TIMM9: variants seen among roughly 807,000 people sequenced by gnomAD.
TIMM9 encodes mitochondrial import inner membrane translocase subunit Tim9.
In TIMM9, 10 loss-of-function variants were observed where a neutral mutation model predicts 13.4. The observed-to-expected ratio is 0.75, with a 90% CI of 0.46 to 1.26. TIMM9 has a LOEUF of 1.26. TIMM9 is among the 50% of genes most tolerant of loss of function. The probability of loss-of-function intolerance (pLI) is 0.00; values close to 1 mark genes in which losing one functional copy is unlikely to be tolerated. For missense variants in TIMM9, 87 were observed against 100.8 expected (o/e 0.86, Z 0.58); for synonymous variants, 32 against 32.1 (o/e 1.00, Z 0.01).
At chr14:58,423,377 G>A (rs2036643923) in intron 3 of TIMM9, among the ~76,000 whole-genome samples, 1 of 151,594 alleles carries the variant, frequency 6.6e-6, no homozygotes, top group South Asian at 2.1e-4. Flanking sequence ...AATTAGCCGG[G>A]CATGGTGGCA....
rs1165759043 is a variant in TIMM9 at position 58,424,096 on chromosome 14, C to T, written c.-114-1G>A. The T allele has an allele frequency of 1.3e-5, 2 of 152,154 alleles. No individual in the cohort carries two copies. The highest frequency in any genetic ancestry group is 2.4e-5 in the African/African-American group (1 of 41,438). 9.4% of individuals were successfully genotyped at this position (152,154 alleles called of 1,614,324 possible). ...GTCTCCAATAAGGCCTGATTCTTAC[C>T]TGAAAAATGAGGTAATATGATTACT... is the stretch of plus-strand genomic sequence containing the variant. On this transcript the variant is annotated splice_acceptor_variant, in intron 2 of 5. Coordinates refer to ENST00000395159, the MANE Select transcript of TIMM9 (RefSeq NM_012460.4). LOFTEE classifies it low-confidence loss of function (5UTR_SPLICE).
chr14:58,414,139 ATTTAG>A (rs1036823789), intron 3 of TIMM9, among the ~76,000 whole-genome samples: 3 of 150,642 alleles, frequency 2.0e-5, no homozygotes, highest in African/African-American at 7.3e-5. Context: ...TATACATTTT[ATTTAG>A]TTAAGAGTTT....
chr14:58,411,811 A>T, intron 4 of TIMM9, 96 bp downstream of exon 4: 1 of 1,153,312 alleles, frequency 8.7e-7, no homozygotes, highest in South Asian at 1.3e-5. Flanking sequence ...TGCTGGGATT[A>T]CAGATGTGAG....
chr14:58,420,659 G>A (rs2036561317), intron 3 of TIMM9, among the ~76,000 whole-genome samples: 2 of 151,980 alleles, frequency 1.3e-5, no homozygotes, highest in African/African-American at 4.8e-5. Flanking sequence ...CGGGCATGGT[G>A]GTGCATGCCT....
chr14:58,425,705 C>T (rs748657415), intron 2 of TIMM9, among the ~76,000 whole-genome samples: 1 of 152,192 alleles, frequency 6.6e-6, no homozygotes, highest in Non-Finnish European at 1.5e-5. Flanking sequence ...GTTAAACTAT[C>T]TCCAAGGTCT....
rs1224634324 is a variant in TIMM9 at position 58,427,526 on chromosome 14, T to C, written c.-438A>G. On this transcript the variant is annotated 5_prime_UTR_variant, in exon 1 of 6. Coordinates refer to ENST00000395159, the MANE Select transcript of TIMM9 (RefSeq NM_012460.4). ...AGAGCGGTCTTGTGCGGCAATGTGCTACCTTAAAATAAATAAATAAATAAA... is the reference window on the plus strand; with the variant it reads ...AGAGCGGTCTTGTGCGGCAATGTGCCACCTTAAAATAAATAAATAAATAAA... The C allele has an allele frequency of 1.4e-6, 2 of 1,479,632 alleles. No homozygotes were observed. The highest frequency in any genetic ancestry group is 2.8e-5 in the African/African-American group (2 of 71,746). 91.7% of individuals were successfully genotyped at this position (1,479,632 alleles called of 1,614,324 possible).
chr14:58,411,884 T>C, intron 4 of TIMM9, 23 bp downstream of exon 4: 28 of 1,612,890 alleles, frequency 1.7e-5, no homozygotes, highest in Non-Finnish European at 2.3e-5. Flanking sequence ...CAAAATCTTT[T>C]CCCCTTAATT....
At chr14:58,421,481 G>A (rs1457735185) in intron 3 of TIMM9, among the ~76,000 whole-genome samples, 1 of 152,152 alleles carries the variant, frequency 6.6e-6, no homozygotes, top group Non-Finnish European at 1.5e-5. Flanking sequence ...AGTTTTGTAA[G>A]ATGTTACCAT....
At chr14:58,422,914 A>AT (rs2036630181) in intron 3 of TIMM9, among the ~76,000 whole-genome samples, 1 of 151,624 alleles carries the variant, frequency 6.6e-6, no homozygotes, top group Non-Finnish European at 1.5e-5. Context: ...GGTTCAAGTG[A>AT]TTTTGTGCCT....
intron 3 of TIMM9, among the ~76,000 whole-genome samples, chr14:58,413,973 C>G (rs879310848): frequency 7.0e-5 from 9 of 129,182 alleles, no homozygotes; most frequent in Non-Finnish European, 1.2e-4. Context: ...CACCACTGCA[C>G]TCCGGCCTGG....
In TIMM9 at chr14:58,411,934, T is replaced by C. The variant is rs765717410; in HGVS notation, c.12A>G (p.Gln4=). The C allele has an allele frequency of 9.3e-6, 15 of 1,613,834 alleles. No homozygotes were observed. Among genetic ancestry groups the C allele is most frequent in the Non-Finnish European group, 8.5e-7 (1 of 1,179,842 alleles). The part of the protein sequence containing the change: MAA[Q]IPESDQIKQF... Reference sequence around the variant, plus strand: ...GTTTTATCTGATCAGATTCTGGTATTTGTGCAGCCATATTCTTCTGGTACC... The same window carrying C: ...GTTTTATCTGATCAGATTCTGGTATCTGTGCAGCCATATTCTTCTGGTACC... The change falls in exon 4 of 6, where the codon CAA becomes CAG. Residue 4 remains glutamine (Q), a synonymous_variant. Transcript: ENST00000395159.
intron 3 of TIMM9, among the ~76,000 whole-genome samples, chr14:58,419,254 G>C (rs1312070741): frequency 6.6e-6 from 1 of 152,070 alleles, no homozygotes; most frequent in African/African-American, 2.4e-5. Flanking sequence ...AGGAGTTCAA[G>C]AACAACCTGG....
intron 5 of TIMM9, 68 bp downstream of exon 5, chr14:58,410,775 C>T: frequency 9.2e-7 from 1 of 1,088,914 alleles, no homozygotes; most frequent in East Asian, 2.4e-5. Flanking sequence ...AAGTGAAATG[C>T]TTAAGGGGAT....
intron 3 of TIMM9, among the ~76,000 whole-genome samples, chr14:58,422,850 C>T (rs1798585266): frequency 1.3e-5 from 2 of 151,944 alleles, no homozygotes; most frequent in Admixed American, 1.3e-4. Context: ...CACTCTGAGA[C>T]CCAGGCTGGA....
chr14:58,412,618 A>G (rs1254447109), intron 3 of TIMM9, among the ~76,000 whole-genome samples: 1 of 152,118 alleles, frequency 6.6e-6, no homozygotes, highest in Non-Finnish European at 1.5e-5. Flanking sequence ...TAATTAAAAA[A>G]AGCTGGGTGT....
intron 4 of TIMM9, 42 bp downstream of exon 4, chr14:58,411,865 A>AT: frequency 6.3e-7 from 1 of 1,599,034 alleles, no homozygotes; most frequent in Non-Finnish European, 8.6e-7. Context: ...AGCACCTTAC[A>AT]TTTTTTTGCA....
chr14:58,412,045 T>C, intron 3 of TIMM9, 74 bp from the exon 4 acceptor site: 1 of 1,049,482 alleles, frequency 9.5e-7, no homozygotes, highest in Non-Finnish European at 1.4e-6. Context: ...AGTTAGGGAA[T>C]CACTGCTCGT....
chr14:58,424,459 C>T (rs1202861831), intron 2 of TIMM9, among the ~76,000 whole-genome samples: 2 of 152,152 alleles, frequency 1.3e-5, no homozygotes, highest in African/African-American at 4.8e-5. Flanking sequence ...ACTTCAAAAT[C>T]CAGTATTTTC....
rs1046665500 is a variant in TIMM9 at position 58,419,180 on chromosome 14, G to A, written c.-27+4828C>T. Among the ~76,000 whole-genome samples, 11 of 152,196 alleles carry A rather than the reference G, an allele frequency of 7.2e-5. No individual in the cohort carries two copies. In the South Asian group the frequency reaches 8.3e-4, roughly 11 times the overall value. On this transcript the variant is annotated intron_variant, in intron 3 of 5. Coordinates refer to ENST00000395159, the MANE Select transcript of TIMM9 (RefSeq NM_012460.4). ...CACCAAAAAACCCAACTGGCCAGGT[G>A]AGGTGGCTCACACCTGTAATCCCAG...
Sources: allele counts gnomAD v4.1 joint callset (sites outside exome capture counted in the v4.1 genomes callset), GRCh38; gene constraint gnomAD v4.1.1; transcripts MANE v1.5; gene names NCBI Gene and HGNC (gene_info 2026-07-23, HGNC 2026-07-21).